NTRK3: variants seen among roughly 807,000 people sequenced by gnomAD.
NTRK3 encodes the protein neurotrophic receptor tyrosine kinase 3, also known as NT-3 growth factor receptor.
A neutral mutation model predicts 91.7 loss-of-function variants in NTRK3; 24 were observed. The ratio of observed to expected loss-of-function variants is 0.26; its 90% CI spans 0.19 to 0.37. NTRK3 has a LOEUF of 0.37. Among genes scored for constraint, NTRK3 ranks in the 10% least tolerant of loss-of-function variants. The pLI is 1.00. For missense variants in NTRK3, 880 were observed against 1,068.9 expected, an observed-to-expected ratio of 0.82 and a Z score of 2.46; for synonymous variants, 483 against 404.0, an observed-to-expected ratio of 1.20 and a Z score of -2.34.
intron 14 of NTRK3, among the ~76,000 whole-genome samples, chr15:87,984,945 A>G (rs2074615743): frequency 6.6e-6 from 1 of 152,156 alleles, no homozygotes; most frequent in South Asian, 2.1e-4. Flanking sequence ...TTTGCATTTG[A>G]GATTCAAACT....
chr15:88,112,380 C>A (rs1022803873), intron 13 of NTRK3, among the ~76,000 whole-genome samples: 5 of 152,212 alleles, frequency 3.3e-5, no homozygotes, highest in Non-Finnish European at 5.9e-5. Flanking sequence ...ATGTTGCTAC[C>A]TGGCAAAGCC....
At chr15:88,223,333 C>T (rs2050398515) in intron 3 of NTRK3, among the ~76,000 whole-genome samples, 1 of 152,250 alleles carries the variant, frequency 6.6e-6, no homozygotes, top group Non-Finnish European at 1.5e-5. Context: ...CCGCTGGTCA[C>T]AGCTGTGCCC....
intron 14 of NTRK3, among the ~76,000 whole-genome samples, chr15:87,959,098 C>A (rs1276619154): frequency 6.6e-6 from 1 of 152,042 alleles, no homozygotes; most frequent in Non-Finnish European, 1.5e-5. Flanking sequence ...CAGCCACTAC[C>A]TGTCTGTGAA....
exon 19 of NTRK3, chr15:87,863,410 C>CA (rs2064576475): frequency 4.4e-6 from 1 of 225,948 alleles, no homozygotes; most frequent in African/African-American, 2.2e-5. Flanking sequence ...CCAGGCTTCG[C>CA]TGCAGAATTT....
In NTRK3 at chr15:88,255,850, A is replaced by C; in HGVS notation, c.248+56T>G. On this transcript the variant is annotated intron_variant, in intron 3 of 18. Coordinates refer to ENST00000394480, the Ensembl canonical transcript of NTRK3. This position sits in a 1 kb window ranked among gnomAD's most constrained non-coding sequence, Gnocchi z 4.3. ...GGCCGGCTCCCGGCCGCGGGTGGGC[A>C]GGAGGGAGACGCAGAGCGCGGGGGA... 6.6e-7 allele frequency: 1 copy of C among 1,508,938 alleles called. No individual in the cohort carries two copies. Among genetic ancestry groups the C allele is most frequent in the Non-Finnish European group, 9.0e-7 (1 of 1,114,346 alleles). 93.5% of individuals were successfully genotyped at this position (1,508,938 alleles called of 1,614,324 possible). A position where few individuals can be genotyped will look rare whatever the true frequency, so the allele number is the denominator to read the frequency against.
intron 3 of NTRK3, among the ~76,000 whole-genome samples, chr15:88,220,399 A>G (rs935247440): frequency 8.5e-5 from 13 of 152,100 alleles, no homozygotes; most frequent in African/African-American, 2.7e-4. Context: ...TCAGCCCCCA[A>G]TGGGGCCTGC....
At chr15:87,914,558 C>A (rs1328238351) in intron 17 of NTRK3, among the ~76,000 whole-genome samples, 1 of 152,182 alleles carries the variant, frequency 6.6e-6, no homozygotes, top group East Asian at 1.9e-4. Context: ...AATTAAGTAA[C>A]TTTTATTAAG....
intron 17 of NTRK3, among the ~76,000 whole-genome samples, chr15:87,905,266 G>C (rs2066695302): frequency 6.6e-6 from 1 of 152,174 alleles, no homozygotes; most frequent in African/African-American, 2.4e-5. Flanking sequence ...TCCAAGGAAA[G>C]TATAGCATCA....
intron 13 of NTRK3, among the ~76,000 whole-genome samples, chr15:88,125,512 C>A (rs750144618): frequency 1.3e-5 from 2 of 148,220 alleles, no homozygotes; most frequent in African/African-American, 5.0e-5. Flanking sequence ...ACATGGAAAC[C>A]CCAGCTGGGA....
chr15:87,940,040 G>A (rs2069670599), intron 15 of NTRK3, among the ~76,000 whole-genome samples: 1 of 152,142 alleles, frequency 6.6e-6, no homozygotes, highest in Admixed American at 6.5e-5. Context: ...GTTTCTCCCA[G>A]GCATGCTGCC....
At chr15:88,042,651 TG>T (rs1373320017) in intron 13 of NTRK3, among the ~76,000 whole-genome samples, 1 of 152,140 alleles carries the variant, frequency 6.6e-6, no homozygotes, top group Non-Finnish European at 1.5e-5. Flanking sequence ...TATCACTTGG[TG>T]ATTGAAAATG....
chr15:88,171,203 G>A (rs2045482330), intron 5 of NTRK3, among the ~76,000 whole-genome samples: 1 of 152,152 alleles, frequency 6.6e-6, no homozygotes, highest in Non-Finnish European at 1.5e-5. Flanking sequence ...TCTAAATCCA[G>A]CTCTTAAATC....
chr15:87,992,410 C>T (rs1439881262), intron 14 of NTRK3, among the ~76,000 whole-genome samples: 1 of 152,202 alleles, frequency 6.6e-6, no homozygotes, highest in Non-Finnish European at 1.5e-5. Context: ...TCACCCCCAG[C>T]TCAGACTCCA....
At chr15:88,250,220 A>G (rs1414136258) in intron 3 of NTRK3, among the ~76,000 whole-genome samples, 1 of 152,230 alleles carries the variant, frequency 6.6e-6, no homozygotes, top group Non-Finnish European at 1.5e-5. Context: ...GGGACCCACA[A>G]GCTGGTAAGA....
intron 3 of NTRK3, among the ~76,000 whole-genome samples, chr15:88,251,672 G>T (rs1463349060): frequency 6.6e-6 from 1 of 152,234 alleles, no homozygotes; most frequent in African/African-American, 2.4e-5. Flanking sequence ...AGCTGAGTTG[G>T]GGCCCTGGTC....
chr15:88,084,872 C>A (rs180735604), intron 13 of NTRK3, among the ~76,000 whole-genome samples: 113 of 152,324 alleles, frequency 7.4e-4, no homozygotes, highest in Admixed American at 1.8e-3. Context: ...TGGACAGCCA[C>A]ATCCTCCCTT....
At chr15:88,029,734 A>T in intron 14 of NTRK3, among the ~76,000 whole-genome samples, 1 of 151,776 alleles carries the variant, frequency 6.6e-6, no homozygotes, top group East Asian at 1.9e-4. Context: ...CACCATAAAT[A>T]CTCTCCACTT....
At chr15:88,073,989 A>G (rs1297759790) in intron 13 of NTRK3, among the ~76,000 whole-genome samples, 2 of 152,196 alleles carry the variant, frequency 1.3e-5, no homozygotes. Flanking sequence ...AACTCACCAA[A>G]TGGAAACTGA....
chr15:87,913,558 C>A (rs1232534564), intron 17 of NTRK3, among the ~76,000 whole-genome samples: 2 of 152,150 alleles, frequency 1.3e-5, no homozygotes, highest in Non-Finnish European at 2.9e-5. Context: ...CCACTCTGGG[C>A]AATCACCAGT....
Sources: allele counts gnomAD v4.1 joint callset (sites outside exome capture counted in the v4.1 genomes callset), GRCh38; gene constraint gnomAD v4.1.1; non-coding constraint Gnocchi (gnomAD v3.1); transcripts MANE v1.5; gene names NCBI Gene and HGNC (gene_info 2026-07-23, HGNC 2026-07-21).